The following FBLN5 variants were observed in gnomAD, a reference collection of about 807,000 sequenced individuals.
The protein encoded by FBLN5 is fibulin 5.
In FBLN5, 24 loss-of-function variants were observed where a neutral mutation model predicts 61.6. The ratio of observed to expected loss-of-function variants is 0.39; its 90% CI spans 0.28 to 0.55. The LOEUF (loss-of-function observed/expected upper bound fraction) is 0.55, where lower values mean the gene tolerates loss of function less well. FBLN5 is among the 20% of genes least tolerant of loss of function. The pLI is 0.65. For missense variants in FBLN5, 470 were observed against 594.1 expected (o/e 0.79, Z 2.17); for synonymous variants, 213 against 219.8 (o/e 0.97, Z 0.27).
At chr14:91,904,302 G>A (rs142974658) in intron 4 of FBLN5, among the ~76,000 whole-genome samples, 49 of 152,294 alleles carry the variant, frequency 3.2e-4, no homozygotes, top group African/African-American at 1.1e-3. Flanking sequence ...CAGACACATC[G>A]GAAGAGACAA....
intron 4 of FBLN5, among the ~76,000 whole-genome samples, chr14:91,905,164 C>A (rs191065724): frequency 1.3e-5 from 2 of 152,168 alleles, no homozygotes; most frequent in African/African-American, 2.4e-5. Flanking sequence ...CGCACGTGCA[C>A]CCTTCCCATG....
chr14:91,877,755 A>C (rs1595293479), intron 9 of FBLN5, 73 bp from the exon 10 acceptor site: 1 of 1,212,798 alleles, frequency 8.2e-7, no homozygotes, highest in East Asian at 2.3e-5. Flanking sequence ...TTCCTCTCTT[A>C]AAACACTGAA....
rs2056031678 is a variant in FBLN5, at chr14:91,937,147, A to G, written c.179T>C (p.Val60Ala). The G allele has an allele frequency of 6.2e-7, 1 of 1,614,040 alleles. No homozygotes were observed. Among genetic ancestry groups the G allele is most frequent in the African/African-American group, 1.3e-5 (1 of 74,898 alleles). Residue 60 changes from valine (V) to alanine (A), a missense_variant, in exon 4 of 11, where the codon GTT becomes GCT. By Grantham distance (64) the Val-to-Ala change is moderately conservative (BLOSUM62 0). Transcript: ENST00000342058. ...PEACRGDMMC[V>A]NQNGGYLCIP... is the part of the protein sequence containing the mutation. Reference sequence around the variant, plus strand: ...GCATAAATACCCGCCATTTTGGTTAACACACATCATGTCTCCTCGGCAGGC... The same window carrying G: ...GCATAAATACCCGCCATTTTGGTTAGCACACATCATGTCTCCTCGGCAGGC...
rs1284110339 is a variant in FBLN5, at chr14:91,870,483, A to G, written c.1186-98T>C. On this transcript the variant is annotated intron_variant, in intron 10 of 10. Coordinates refer to ENST00000342058, the MANE Select transcript of FBLN5 (RefSeq NM_006329.4). Reference sequence around the variant, plus strand: ...CCTTGCCTCCGTCAGTCAAACTGGCACCCCCTCGGTGCCTCAACTGTGCCA... The same window carrying G: ...CCTTGCCTCCGTCAGTCAAACTGGCGCCCCCTCGGTGCCTCAACTGTGCCA... 10 of 1,213,468 alleles carry G rather than the reference A, an allele frequency of 8.2e-6. No homozygotes were observed. In the East Asian group the frequency reaches 2.1e-4, roughly 25 times the overall value. The allele number at this position is 1,213,468 out of a possible 1,614,324, so 75.2% of individuals were successfully genotyped here.
intron 4 of FBLN5, among the ~76,000 whole-genome samples, chr14:91,896,279 C>T (rs760830872): frequency 6.6e-6 from 1 of 152,180 alleles, no homozygotes; most frequent in Non-Finnish European, 1.5e-5. Flanking sequence ...CATTAATTTA[C>T]TCCACAAGGA....
At chr14:91,904,727 C>T (rs1286324180) in intron 4 of FBLN5, among the ~76,000 whole-genome samples, 1 of 152,252 alleles carries the variant, frequency 6.6e-6, no homozygotes, top group Non-Finnish European at 1.5e-5. Flanking sequence ...GGCTCCACCC[C>T]TGTGACCTCA....
intron 3 of FBLN5, among the ~76,000 whole-genome samples, chr14:91,937,602 G>A (rs1381353067): frequency 1.3e-5 from 2 of 152,104 alleles, no homozygotes; most frequent in African/African-American, 2.4e-5. Context: ...GGGTTATCTT[G>A]GAAATGAAAC....
At chr14:91,893,297 G>C (rs1890073613) in intron 5 of FBLN5, among the ~76,000 whole-genome samples, 1 of 152,186 alleles carries the variant, frequency 6.6e-6, no homozygotes, top group Non-Finnish European at 1.5e-5. Flanking sequence ...TCACTGATCT[G>C]CTTATGTTCA....
chr14:91,937,137 A>G lies in FBLN5; in HGVS notation c.189T>C (p.Asn63=). 1 of 1,614,106 alleles carries G rather than the reference A, an allele frequency of 6.2e-7. No individual in the cohort carries two copies. The highest frequency in any genetic ancestry group is 1.1e-5 in the South Asian group (1 of 91,072). The change falls in exon 4 of 11, where the codon AAT becomes AAC. Residue 63 remains asparagine (N), a synonymous_variant. Coordinates refer to ENST00000342058, the MANE Select transcript of FBLN5 (RefSeq NM_006329.4). Reference sequence around the variant, plus strand: ...TCCGGGGAATGCATAAATACCCGCCATTTTGGTTAACACACATCATGTCTC... The same window carrying G: ...TCCGGGGAATGCATAAATACCCGCCGTTTTGGTTAACACACATCATGTCTC... The part of the protein sequence containing the change: ...CRGDMMCVNQ[N]GGYLCIPRTN...
intron 4 of FBLN5, among the ~76,000 whole-genome samples, chr14:91,897,798 A>C (rs938062945): frequency 2.0e-5 from 3 of 152,232 alleles, no homozygotes; most frequent in African/African-American, 7.2e-5. Context: ...CTGTAATCCC[A>C]GCACGTTGGG....
intron 5 of FBLN5, 112 bp downstream of exon 5, chr14:91,894,838 T>A: frequency 1.0e-4 from 22 of 210,354 alleles, no homozygotes; most frequent in East Asian, 2.6e-4. Flanking sequence ...CCGCCCTCCC[T>A]AGCAAAGAAA....
At chr14:91,925,021 T>C (rs1290133867) in intron 4 of FBLN5, among the ~76,000 whole-genome samples, 1 of 152,224 alleles carries the variant, frequency 6.6e-6, no homozygotes, top group African/African-American at 2.4e-5. Flanking sequence ...CCATGGAAAC[T>C]GTTGAAGATG....
intron 4 of FBLN5, among the ~76,000 whole-genome samples, chr14:91,917,642 T>C (rs1482880867): frequency 6.6e-6 from 1 of 151,616 alleles, no homozygotes; most frequent in Non-Finnish European, 1.5e-5. Flanking sequence ...AGTTTATTGT[T>C]GTTTTGCTTA....
At chr14:91,894,429 C>CAAAAAA (rs1890132731) in intron 5 of FBLN5, among the ~76,000 whole-genome samples, 3 of 50,004 alleles carry the variant, frequency 6.0e-5, no homozygotes, top group South Asian at 6.5e-4. Context: ...AAAAAAAAAC[C>CAAAAAA]GAAAAAAACC....
intron 1 of FBLN5, among the ~76,000 whole-genome samples, chr14:91,944,237 A>T (rs2056150666): frequency 6.6e-6 from 1 of 152,174 alleles, no homozygotes; most frequent in Admixed American, 6.5e-5. Context: ...TGTCTCAAAA[A>T]ATAAAAACAA....
At chr14:91,926,826 G>A (rs976775609) in intron 4 of FBLN5, among the ~76,000 whole-genome samples, 5 of 152,132 alleles carry the variant, frequency 3.3e-5, no homozygotes, top group South Asian at 2.1e-4. Context: ...GTGACAACGC[G>A]ATTGCTTAGA....
In FBLN5 at chr14:91,947,687, C is replaced by CAGA. The variant is rs1566834127; in HGVS notation, c.-461_-459dup. ...CCGCGCTCGGCTGCGAGCGCCCGGG[C>CAGA]AGAAGGCGAGGGGCGGGCGCGCGCA... On this transcript the variant is annotated 5_prime_UTR_variant, in exon 1 of 11. Coordinates refer to ENST00000342058, the MANE Select transcript of FBLN5 (RefSeq NM_006329.4). The surrounding 1 kb of genome is among the most constrained non-coding windows in gnomAD (Gnocchi z 4.3). 7 of 157,248 alleles carry CAGA rather than the reference C, an allele frequency of 4.5e-5. No individual in the cohort carries two copies. In the South Asian group the frequency reaches 9.8e-4, roughly 22 times the overall value. 9.7% of individuals were successfully genotyped at this position (157,248 alleles called of 1,614,324 possible). A position where few individuals can be genotyped will look rare whatever the true frequency, so the allele number is the denominator to read the frequency against.
At chr14:91,922,102 G>A (rs1461801619) in intron 4 of FBLN5, among the ~76,000 whole-genome samples, 3 of 151,966 alleles carry the variant, frequency 2.0e-5, no homozygotes, top group East Asian at 1.9e-4. Flanking sequence ...ATTTGAACAC[G>A]GCCAACATGG....
At chr14:91,946,623 G>A in intron 1 of FBLN5, 1 of 1,008,138 alleles carries the variant, frequency 9.9e-7, no homozygotes, top group South Asian at 1.4e-5. Context: ...AAAGACTGTG[G>A]GTGTCATTTA....
Sources: gnomAD v4.1 joint callset for allele counts (sites outside exome capture counted in the v4.1 genomes callset) on GRCh38, gnomAD v4.1.1 for gene constraint, Gnocchi (gnomAD v3.1) non-coding constraint, MANE v1.5 for transcripts, NCBI Gene and HGNC (gene_info 2026-07-23, HGNC 2026-07-21) for gene names.